Variants in INSYN2B observed in about 807,000 individuals in gnomAD.
INSYN2B encodes the protein protein INSYN2B.
A neutral mutation model predicts 41.2 loss-of-function variants in INSYN2B; 16 were observed. The observed-to-expected ratio is 0.39, with a 90% confidence interval of 0.26 to 0.59. The LOEUF is 0.59. INSYN2B is among the 20% of genes least tolerant of loss of function. The pLI is 0.57. For synonymous variants in INSYN2B, 245 were observed against 244.4 expected (o/e 1.00, Z -0.02); for missense variants, 608 against 646.4 (o/e 0.94, Z 0.64).
chr5:169,941,423 T>G, intron 1 of INSYN2B, among the ~76,000 whole-genome samples: 1 of 152,080 alleles, frequency 6.6e-6, no homozygotes, highest in Admixed American at 6.5e-5. Context: ...TTAGAGAGGC[T>G]TCTGTCTGAA....
Position 169,895,944 on chromosome 5 carries a change from G to A in INSYN2B, c.-918-11128C>T, listed in dbSNP as rs114191520. On this transcript the variant is annotated intron_variant, in intron 1 of 3. Transcript: ENST00000377365. ...TATTTTCTGGCCTGGAGATGTCCCCGATTACCACTACCCTTGTCTTGCCTG... is the reference window on the plus strand; with the variant it reads ...TATTTTCTGGCCTGGAGATGTCCCCAATTACCACTACCCTTGTCTTGCCTG... 2.7e-3 allele frequency among the ~76,000 whole-genome samples: 406 copies of A among 152,236 alleles called. 2 individuals carry two copies. Among genetic ancestry groups the A allele is most frequent in the African/African-American group, 9.1e-3 (378 of 41,538 alleles).
In INSYN2B at chr5:169,957,192, G is replaced by T. The variant is rs1313544502; in HGVS notation, c.-919+23085C>A. On this transcript the variant is annotated intron_variant, in intron 1 of 3. Coordinates refer to ENST00000377365, the MANE Select transcript of INSYN2B (RefSeq NM_001129891.3). ...ATGGAATGGGTACTCAATAAATAAT[G>T]GTGAATAAATGAATGAATGAATTAA... is the stretch of plus-strand genomic sequence containing the variant. Among the ~76,000 whole-genome samples the T allele has an allele frequency of 2.0e-5, 3 of 152,302 alleles. No homozygotes were observed. In the East Asian group the frequency reaches 5.8e-4, roughly 29 times the overall value.
chr5:169,941,672 A>G (rs1411966984), intron 1 of INSYN2B, among the ~76,000 whole-genome samples: 2 of 152,206 alleles, frequency 1.3e-5, no homozygotes, highest in Non-Finnish European at 2.9e-5. Flanking sequence ...CCAGCAGGGT[A>G]TGGCATGATT....
Position 169,883,747 on chromosome 5 carries a change from A to T in INSYN2B, c.152T>A (p.Leu51Gln). The change falls in exon 2 of 4, where the codon CTA becomes CAA. Residue 51 changes from leucine (L) to glutamine (Q), a missense_variant. Leu to Gln is a moderately radical substitution (Grantham distance 113, BLOSUM62 -2). Coordinates refer to ENST00000377365, the MANE Select transcript of INSYN2B (RefSeq NM_001129891.3). ...EDGTTKNPTG[L>Q]AEVDVQTPED... ...TGGAGTTTGGACGTCAACCTCAGCT[A>T]GGCCAGTTGGATTCTTAGTGGTCCC... The T allele has an allele frequency of 6.4e-7, 1 of 1,551,644 alleles. No individual in the cohort carries two copies. The highest frequency in any genetic ancestry group is 8.7e-7 in the Non-Finnish European group (1 of 1,146,956).
Position 169,864,365 on chromosome 5 carries a change from G to A in INSYN2B, c.1516C>T (p.Pro506Ser), listed in dbSNP as rs1383239158. 1.9e-6 allele frequency: 3 copies of A among 1,551,568 alleles called. No individual in the cohort carries two copies. The highest frequency in any genetic ancestry group is 2.6e-6 in the Non-Finnish European group (3 of 1,146,924). ...GCTGGGGGTTCTGCTGGGGACTTTGGTGGGGGCGATGCCTCCTCAACTGGC... is the reference window on the plus strand; with the variant it reads ...GCTGGGGGTTCTGCTGGGGACTTTGATGGGGGCGATGCCTCCTCAACTGGC... ...AEPVEEASPP[P>S]KSPAEPPAPE... The change falls in exon 4 of 4, where the codon CCA becomes TCA. Residue 506 changes from proline to serine, a missense_variant. Pro to Ser is a moderately conservative substitution (Grantham distance 74). Coordinates refer to ENST00000377365, the MANE Select transcript of INSYN2B (RefSeq NM_001129891.3).
At chr5:169,950,978 G>A (rs191676749) in intron 1 of INSYN2B, among the ~76,000 whole-genome samples, 10 of 152,272 alleles carry the variant, frequency 6.6e-5, no homozygotes, top group Non-Finnish European at 1.3e-4. Context: ...AAAATTGGGC[G>A]GTTGAATGTA....
intron 1 of INSYN2B, among the ~76,000 whole-genome samples, chr5:169,906,865 C>T (rs1346152695): frequency 6.6e-6 from 1 of 152,172 alleles, no homozygotes; most frequent in Non-Finnish European, 1.5e-5. Flanking sequence ...CCGCCTCTGT[C>T]CTGCTGGAAA....
At chr5:169,914,028 C>A (rs1190648994) in intron 1 of INSYN2B, among the ~76,000 whole-genome samples, 1 of 152,066 alleles carries the variant, frequency 6.6e-6, no homozygotes, top group Non-Finnish European at 1.5e-5. Flanking sequence ...TGATGGACAC[C>A]CAAAGATGTT....
At chr5:169,961,157 C>A (rs1777071252) in intron 1 of INSYN2B, among the ~76,000 whole-genome samples, 1 of 152,198 alleles carries the variant, frequency 6.6e-6, no homozygotes, top group African/African-American at 2.4e-5. Context: ...ATATGTCCTA[C>A]AATTGTCATT....
chr5:169,929,742 A>C (rs1775654138), intron 1 of INSYN2B, among the ~76,000 whole-genome samples: 1 of 99,534 alleles, frequency 1.0e-5, no homozygotes, highest in Non-Finnish European at 2.0e-5. Context: ...ACCCTGTCTC[A>C]AAAAAAAAAA....
chr5:169,890,699 A>G (rs1207014424), intron 1 of INSYN2B, among the ~76,000 whole-genome samples: 1 of 152,204 alleles, frequency 6.6e-6, no homozygotes, highest in Non-Finnish European at 1.5e-5. Flanking sequence ...AGGTGAGGTT[A>G]AGATCCAGAC....
At chr5:169,889,952 A>T (rs547426077) in intron 1 of INSYN2B, among the ~76,000 whole-genome samples, 1 of 152,218 alleles carries the variant, frequency 6.6e-6, no homozygotes, top group Non-Finnish European at 1.5e-5. Flanking sequence ...CTCTGAACTT[A>T]GTAATAATAA....
intron 1 of INSYN2B, among the ~76,000 whole-genome samples, chr5:169,930,241 C>T (rs914780570): frequency 1.3e-5 from 2 of 152,148 alleles, no homozygotes; most frequent in African/African-American, 2.4e-5. Flanking sequence ...CCGCCTGCCT[C>T]GGCCTCCCAA....
intron 1 of INSYN2B, among the ~76,000 whole-genome samples, chr5:169,927,913 G>A (rs1489500243): frequency 6.6e-6 from 1 of 152,148 alleles, no homozygotes; most frequent in Non-Finnish European, 1.5e-5. Context: ...ACTGCTCCCG[G>A]CCCGAAAAAT....
intron 1 of INSYN2B, among the ~76,000 whole-genome samples, chr5:169,888,405 A>C (rs959611195): frequency 6.6e-6 from 1 of 152,128 alleles, no homozygotes; most frequent in East Asian, 1.9e-4. Context: ...TCTTTGCAAC[A>C]CTTTATTCTG....
At chr5:169,904,120 G>A (rs1353117445) in intron 1 of INSYN2B, among the ~76,000 whole-genome samples, 8 of 150,954 alleles carry the variant, frequency 5.3e-5, no homozygotes, top group Non-Finnish European at 1.2e-4. Flanking sequence ...AAAGTTTAGG[G>A]GAGGAGAAGG....
chr5:169,931,001 G>C (rs1775724737), intron 1 of INSYN2B, among the ~76,000 whole-genome samples: 1 of 152,248 alleles, frequency 6.6e-6, no homozygotes, highest in African/African-American at 2.4e-5. Context: ...TCATGTGTGT[G>C]CCAGACAGAG....
intron 1 of INSYN2B, among the ~76,000 whole-genome samples, chr5:169,943,635 A>T (rs978913399): frequency 6.6e-6 from 1 of 152,164 alleles, no homozygotes; most frequent in Non-Finnish European, 1.5e-5. Context: ...GCCTGGCCTC[A>T]TCAGGCATTA....
rs114508388 is a variant in INSYN2B, at chr5:169,883,263, A to G, written c.636T>C (p.Pro212=). ...IQVPDDIYHS[P]SWEARESALS... is the part of the protein sequence containing the mutation. ...GAGCAGACTCTCTAGCTTCCCAGGA[A>G]GGACTGTGATAAATATCATCTGGAA... The change falls in exon 2 of 4, where the codon CCT becomes CCC. Residue 212 remains proline, a synonymous_variant. Coordinates refer to ENST00000377365, the MANE Select transcript of INSYN2B (RefSeq NM_001129891.3). 4.5e-6 allele frequency: 7 copies of G among 1,551,588 alleles called. No individual in the cohort carries two copies. Among genetic ancestry groups the G allele is most frequent in the Non-Finnish European group, 6.1e-6 (7 of 1,146,946 alleles).
Sources: gnomAD v4.1 joint callset for allele counts (sites outside exome capture counted in the v4.1 genomes callset) on GRCh38, gnomAD v4.1.1 for gene constraint, MANE v1.5 for transcripts, NCBI Gene and HGNC (gene_info 2026-07-23, HGNC 2026-07-21) for gene names.